Variants in ANO7 observed in about 807,000 individuals in gnomAD.
ANO7 encodes anoctamin 7.
In ANO7, 114 loss-of-function variants were observed where a neutral mutation model predicts 115.8. The observed-to-expected ratio is 0.98, with a 90% CI of 0.85 to 1.15. The LOEUF (loss-of-function observed/expected upper bound fraction) is 1.15, where lower values mean the gene tolerates loss of function less well. ANO7 is among the 50% of genes most tolerant of loss of function. The pLI is 0.00. For missense variants in ANO7, 1,302 were observed against 1,201.2 expected (o/e 1.08, Z -1.24); for synonymous variants, 550 against 498.2 (o/e 1.10, Z -1.38).
the ANO7 span, chr2:241,239,909 G>A: frequency 6.2e-7 from 1 of 1,614,050 alleles, no homozygotes; most frequent in Non-Finnish European, 8.5e-7. This position sits in a 1 kb window ranked among gnomAD's most constrained non-coding sequence, Gnocchi z 4.6. Context: ...ACCAGGTTTT[G>A]GATCAAGGCC....
At chr2:241,234,787 C>T in the ANO7 span, among the ~76,000 whole-genome samples, 3 of 152,358 alleles carry the variant, frequency 2.0e-5, no homozygotes, top group South Asian at 2.1e-4. Context: ...CGATGCTCGT[C>T]CTCACTGCAT....
In ANO7 at chr2:241,203,504, TC is replaced by T. The variant is rs746864688; in HGVS notation, c.889+13del. 34 of 1,463,440 alleles carry T rather than the reference TC, an allele frequency of 2.3e-5. No homozygotes were observed. Among genetic ancestry groups the T allele is most frequent in the Admixed American group, 4.8e-5 (2 of 41,366 alleles). 90.7% of individuals were successfully genotyped at this position (1,463,440 alleles called of 1,614,324 possible). ...CCTCTACTTCGCCTGGCTCGGTGAGTCCCCCCCGCTGCCCCCCAGACCACCT... is the reference window on the plus strand; with the variant it reads ...CCTCTACTTCGCCTGGCTCGGTGAGTCCCCCCGCTGCCCCCCAGACCACCT... On this transcript the variant is annotated splice_region_variant and intron_variant, in intron 9 of 24. Transcript: ENST00000674324. This position sits in a 1 kb window ranked among gnomAD's most constrained non-coding sequence, Gnocchi z 4.8.
rs114245506 is a variant in ANO7 at position 241,225,602 on chromosome 2, G to A, written c.*1449G>A. On this transcript the variant is annotated 3_prime_UTR_variant, in exon 25 of 25. Coordinates refer to ENST00000674324, the MANE Select transcript of ANO7 (RefSeq NM_001370694.2). ...ACTGCCAAACTTACTCCACAGAAAA[G>A]GCCTCTTTCTGAACATCCTCGCCTG... Among the ~76,000 whole-genome samples, 4,345 of 152,282 alleles carry A rather than the reference G, an allele frequency of 0.029. 209 individuals carry two copies. Among genetic ancestry groups the A allele is most frequent in the African/African-American group, 0.099 (4,130 of 41,544 alleles).
chr2:241,220,561 G>A (rs2068987673), intron 21 of ANO7, among the ~76,000 whole-genome samples: 1 of 152,186 alleles, frequency 6.6e-6, no homozygotes, highest in African/African-American at 2.4e-5. Flanking sequence ...GCTGCACACA[G>A]TGGCTCATGC....
At chr2:241,194,450 G>A (rs938102740) in intron 3 of ANO7, among the ~76,000 whole-genome samples, 11 of 151,908 alleles carry the variant, frequency 7.2e-5, no homozygotes, top group Admixed American at 7.2e-4. Context: ...GAGTAGCTGG[G>A]ACTACAGGTG....
chr2:241,226,618 GT>G (rs2069181071), downstream of ANO7, among the ~76,000 whole-genome samples: 1 of 152,124 alleles, frequency 6.6e-6, no homozygotes, highest in Non-Finnish European at 1.5e-5. Context: ...TAGAGACGGG[GT>G]TTCACCGTGT....
chr2:241,216,694 G>C (rs2068836505), intron 19 of ANO7, among the ~76,000 whole-genome samples: 2 of 152,230 alleles, frequency 1.3e-5, no homozygotes, highest in African/African-American at 4.8e-5. Context: ...CCAGGTGGTG[G>C]CCAGTGCCAG....
At chr2:241,200,338 C>A in intron 6 of ANO7, 113 bp downstream of exon 6, 1 of 1,410,418 alleles carries the variant, frequency 7.1e-7, no homozygotes, top group Non-Finnish European at 9.5e-7. Flanking sequence ...GAGTTTTCGG[C>A]AGGGAATCTG....
chr2:241,200,444 C>T (rs2149153192), intron 6 of ANO7, among the ~76,000 whole-genome samples: 1 of 152,364 alleles, frequency 6.6e-6, no homozygotes, highest in African/African-American at 2.4e-5. Flanking sequence ...ATAACCCCCC[C>T]AAGGCCCAGT....
chr2:241,215,667 A>G (rs1390890995), intron 18 of ANO7, among the ~76,000 whole-genome samples: 1 of 152,220 alleles, frequency 6.6e-6, no homozygotes, highest in African/African-American at 2.4e-5. Context: ...ACAGTGTGAT[A>G]AGGCAACATG....
At chr2:241,231,191 C>A in the ANO7 span, 2 of 426,122 alleles carry the variant, frequency 4.7e-6, no homozygotes, top group Non-Finnish European at 8.6e-6. Flanking sequence ...TCGTGACCAG[C>A]CTGACCAACA....
rs775396478 is a variant in ANO7 at position 241,210,357 on chromosome 2, G to C, written c.1422G>C (p.Val474=). Residue 474 remains valine (V), a synonymous_variant, in exon 14 of 25, where the codon GTG becomes GTC. Coordinates refer to ENST00000674324, the MANE Select transcript of ANO7 (RefSeq NM_001370694.2). ...TGTACCGTGCCATCATGGCCATCGT[G>C]GTGTCCAGGTCGGGCAACACCCTTC... The part of the protein sequence containing the change: ...IILYRAIMAI[V]VSRSGNTLLA... 80 of 1,613,938 alleles carry C rather than the reference G, an allele frequency of 5.0e-5. 1 individual carries two copies. In the South Asian group the frequency reaches 8.2e-4, roughly 17 times the overall value.
At chr2:241,220,429 C>A (rs903181342) in intron 21 of ANO7, among the ~76,000 whole-genome samples, 13 of 150,186 alleles carry the variant, frequency 8.7e-5, no homozygotes, top group Non-Finnish European at 1.3e-4. Context: ...GGGCATGGTA[C>A]CTCATGCTTA....
At chr2:241,191,404 C>T (rs1050167165) in intron 3 of ANO7, among the ~76,000 whole-genome samples, 153 bp downstream of exon 3, 9 of 152,098 alleles carry the variant, frequency 5.9e-5, no homozygotes, top group Admixed American at 2.0e-4. Context: ...GTGAGGGCCT[C>T]GGGGTGAGCA....
intron 10 of ANO7, among the ~76,000 whole-genome samples, chr2:241,207,178 G>A (rs190208961): frequency 3.9e-5 from 1 of 25,532 alleles, no homozygotes. Flanking sequence ...TGACACAGGT[G>A]GTCAGGAGTG....
At chr2:241,228,319 C>CT (rs1461494445), downstream of ANO7, 2 of 152,446 alleles carry the variant, frequency 1.3e-5, no homozygotes, top group African/African-American at 4.8e-5. Flanking sequence ...ACACAGATGC[C>CT]TCCCTCGGAG....
At chr2:241,197,780 A>C (rs1220026971) in intron 4 of ANO7, among the ~76,000 whole-genome samples, 1 of 151,358 alleles carries the variant, frequency 6.6e-6, no homozygotes, top group Non-Finnish European at 1.5e-5. Context: ...CCTCCCGAGT[A>C]GCTGGGATTA....
At chr2:241,209,028 A>G (rs974418504) in intron 11 of ANO7, among the ~76,000 whole-genome samples, 6 of 152,242 alleles carry the variant, frequency 3.9e-5, no homozygotes, top group East Asian at 1.9e-4. Context: ...GGGCGCCTGT[A>G]GTCCCAGCTA....
chr2:241,239,945 C>T, the ANO7 span: 33 of 1,614,080 alleles, frequency 2.0e-5, no homozygotes, highest in African/African-American at 2.7e-5. The surrounding 1 kb of genome is among the most constrained non-coding windows in gnomAD (Gnocchi z 4.6). Context: ...GCCTCTCGGA[C>T]GGCGTCCTCC....
Sources: allele counts gnomAD v4.1 joint callset (sites outside exome capture counted in the v4.1 genomes callset), GRCh38; gene constraint gnomAD v4.1.1; non-coding constraint Gnocchi (gnomAD v3.1); transcripts MANE v1.5; gene names NCBI Gene and HGNC (gene_info 2026-07-23, HGNC 2026-07-21).